PDE4D: variants seen among roughly 807,000 people sequenced by gnomAD.
PDE4D encodes 3',5'-cyclic-AMP phosphodiesterase 4D.
A neutral mutation model predicts 87.4 loss-of-function variants in PDE4D; 24 were observed. That is an observed-to-expected ratio of 0.27 (90% CI 0.20 to 0.39). The LOEUF (loss-of-function observed/expected upper bound fraction) is 0.39, where lower values mean the gene tolerates loss of function less well. PDE4D is among the 10% of genes least tolerant of loss of function. The pLI is 1.00. For synonymous variants in PDE4D, 384 were observed against 383.2 expected (o/e 1.00, Z -0.02); for missense variants, 714 against 1,041.0 (o/e 0.69, Z 4.32).
intron 1 of PDE4D, among the ~76,000 whole-genome samples, chr5:59,411,921 A>C (rs1792756228): frequency 6.6e-6 from 1 of 152,242 alleles, no homozygotes; most frequent in African/African-American, 2.4e-5. Context: ...CTGCTCTCTG[A>C]AATAGCACTC....
chr5:59,528,400 G>A (rs1412894575), intron 1 of PDE4D, among the ~76,000 whole-genome samples: 1 of 152,168 alleles, frequency 6.6e-6, no homozygotes, highest in East Asian at 1.9e-4. Flanking sequence ...GTTAAATAGG[G>A]TCACATTTGA....
Position 59,686,827 on chromosome 5 carries a change from A to G in PDE4D, c.455+206341T>C, listed in dbSNP as rs1043361667. ...CTTAAGTGAGAAAGATGATGGATCA[A>G]TCTAGACCAAATGACTGGGGAGTTA... On this transcript the variant is annotated intron_variant, in intron 1 of 14. Coordinates refer to ENST00000340635, the MANE Select transcript of PDE4D (RefSeq NM_001104631.2). 1.1e-4 allele frequency among the ~76,000 whole-genome samples: 16 copies of G among 152,320 alleles called. No individual in the cohort carries two copies. In the East Asian group the frequency reaches 1.5e-3, roughly 15 times the overall value.
chr5:59,185,401 G>A lies in PDE4D; in HGVS notation c.685-139C>T, dbSNP rs1742668593. On this transcript the variant is annotated intron_variant, in intron 3 of 14. Coordinates refer to ENST00000340635, the MANE Select transcript of PDE4D (RefSeq NM_001104631.2). ...ACTAAAGAATCTCCCAACACTTAGTGCAGTTTGTAGGTATCCACACGAAAT... is the reference window on the plus strand; with the variant it reads ...ACTAAAGAATCTCCCAACACTTAGTACAGTTTGTAGGTATCCACACGAAAT... The A allele has an allele frequency of 6.5e-6, 4 of 615,100 alleles. No homozygotes were observed. In the East Asian group the frequency reaches 1.1e-4, roughly 17 times the overall value. 38.1% of individuals were successfully genotyped at this position (615,100 alleles called of 1,614,324 possible). A position where few individuals can be genotyped will look rare whatever the true frequency, so the allele number is the denominator to read the frequency against.
At chr5:59,181,461 C>T (rs1391111666) in intron 4 of PDE4D, among the ~76,000 whole-genome samples, 2 of 148,600 alleles carry the variant, frequency 1.3e-5, no homozygotes, top group African/African-American at 5.0e-5. Flanking sequence ...TGAAATATAA[C>T]TTTATAAAGT....
chr5:60,029,949 T>C (rs2152858793), intron 2 of PDE4D, among the ~76,000 whole-genome samples: 1 of 152,276 alleles, frequency 6.6e-6, no homozygotes, highest in South Asian at 2.1e-4. Context: ...ATTTTCCAAT[T>C]CTGGCTACCT....
intron 1 of PDE4D, among the ~76,000 whole-genome samples, chr5:59,553,611 G>A (rs1383583867): frequency 1.3e-5 from 2 of 152,042 alleles, no homozygotes; most frequent in Non-Finnish European, 2.9e-5. Flanking sequence ...GGAGTTCTTT[G>A]GAACTAATTT....
At chr5:59,125,368 ATC>A in intron 5 of PDE4D, 1 of 705,030 alleles carries the variant, frequency 1.4e-6, no homozygotes, top group Non-Finnish European at 1.7e-6. Context: ...TTTCAAAATG[ATC>A]CTCTTCCTTA....
intron 1 of PDE4D, among the ~76,000 whole-genome samples, chr5:60,286,141 A>G (rs770614296): frequency 7.9e-5 from 12 of 152,174 alleles, no homozygotes; most frequent in Non-Finnish European, 1.5e-4. Context: ...GTCTGTCACA[A>G]CAACCCGGGA....
chr5:60,224,055 G>A (rs1265518369), intron 1 of PDE4D, among the ~76,000 whole-genome samples: 1 of 152,076 alleles, frequency 6.6e-6, no homozygotes. Flanking sequence ...AGTATTGTTT[G>A]CTTCTCTGTC....
At chr5:60,337,388 T>TATATATACACACACACACACAC (rs66871903) in intron 1 of PDE4D, among the ~76,000 whole-genome samples, 1 of 89,478 alleles carries the variant, frequency 1.1e-5, no homozygotes, top group African/African-American at 4.3e-5. Context: ...TATATATATA[T>TATATATACACACACACACACAC]ACACACACAC....
At chr5:60,468,448 A>T (rs1234204031) in intron 1 of PDE4D, among the ~76,000 whole-genome samples, 1 of 151,550 alleles carries the variant, frequency 6.6e-6, no homozygotes, top group Non-Finnish European at 1.5e-5. Flanking sequence ...CTACATCCTA[A>T]CTTTTCAAGC....
intron 1 of PDE4D, among the ~76,000 whole-genome samples, chr5:60,194,218 C>G (rs1740941426): frequency 6.6e-6 from 1 of 151,618 alleles, no homozygotes; most frequent in South Asian, 2.1e-4. Context: ...GCAAGTTTTA[C>G]TCCTTCCACA....
At chr5:59,555,059 C>T (rs981599099) in intron 1 of PDE4D, among the ~76,000 whole-genome samples, 4 of 152,106 alleles carry the variant, frequency 2.6e-5, no homozygotes, top group African/African-American at 7.2e-5. Flanking sequence ...CACATATGTT[C>T]GTTGTAGCAC....
intron 1 of PDE4D, among the ~76,000 whole-genome samples, chr5:59,498,825 A>T (rs1807708615): frequency 6.6e-6 from 1 of 152,092 alleles, no homozygotes; most frequent in Non-Finnish European, 1.5e-5. Context: ...GCCACCCAAT[A>T]ATAGTGGGGA....
chr5:59,804,021 TTTTA>T (rs1445353638), intron 1 of PDE4D, among the ~76,000 whole-genome samples: 10 of 152,216 alleles, frequency 6.6e-5, no homozygotes, highest in African/African-American at 2.4e-4. Context: ...AATCCCTAAC[TTTTA>T]TTTATTCATT....
intron 1 of PDE4D, among the ~76,000 whole-genome samples, chr5:59,875,262 C>T (rs1451815317): frequency 1.3e-5 from 2 of 151,698 alleles, no homozygotes; most frequent in African/African-American, 2.4e-5. Flanking sequence ...GAGATTGATA[C>T]CATCCTGGCC....
At chr5:59,119,815 G>A (rs1266881379) in intron 5 of PDE4D, among the ~76,000 whole-genome samples, 2 of 152,124 alleles carry the variant, frequency 1.3e-5, no homozygotes, top group African/African-American at 4.8e-5. Flanking sequence ...CTAGAGACAA[G>A]AGCAGAACAA....
At chr5:59,276,976 T>C (rs1022370249) in intron 1 of PDE4D, among the ~76,000 whole-genome samples, 4 of 152,140 alleles carry the variant, frequency 2.6e-5, no homozygotes, top group Admixed American at 1.3e-4. Flanking sequence ...TATACTCCTC[T>C]GGGTGTGCCA....
intron 2 of PDE4D, among the ~76,000 whole-genome samples, chr5:60,112,393 G>A (rs1226297574): frequency 6.6e-6 from 1 of 151,750 alleles, no homozygotes. Flanking sequence ...AACTGTGTGG[G>A]GTCGTATGGG....
Sources: allele counts gnomAD v4.1 joint callset (sites outside exome capture counted in the v4.1 genomes callset), GRCh38; gene constraint gnomAD v4.1.1; transcripts MANE v1.5; gene names NCBI Gene and HGNC (gene_info 2026-07-23, HGNC 2026-07-21).